LRRC53: variants seen among roughly 807,000 people sequenced by gnomAD.
The protein encoded by LRRC53 is leucine-rich repeat-containing protein 53.
In LRRC53, 25 loss-of-function variants were observed where a neutral mutation model predicts 13.6. The observed-to-expected ratio is 1.83, with a 90% CI of 1.34 to 2.56. LRRC53 has a LOEUF of 2.56. Among genes scored for constraint, LRRC53 ranks in the 30% most tolerant of loss-of-function variants. The pLI, the probability that LRRC53 is intolerant of heterozygous loss-of-function variation, is 0.00. For missense variants in LRRC53, 527 were observed against 275.8 expected, an observed-to-expected ratio of 1.91 and a Z score of -6.45; for synonymous variants, 204 against 109.8, an observed-to-expected ratio of 1.86 and a Z score of -5.37.
chr1:74,523,539 C>A, the LRRC53 span, among the ~76,000 whole-genome samples: 1 of 152,078 alleles, frequency 6.6e-6, no homozygotes, highest in African/African-American at 2.4e-5. Context: ...AAGTTATAGG[C>A]TATGCCTGGC....
At chr1:74,526,862 G>C in the LRRC53 span, among the ~76,000 whole-genome samples, 66,837 of 152,032 alleles carry the variant, frequency 0.44, 16,140 homozygotes, top group Non-Finnish European at 0.56. Flanking sequence ...AAATCCAACT[G>C]CCTGCTTGTT....
intron 1 of LRRC53, among the ~76,000 whole-genome samples, chr1:74,487,046 A>C (rs973280722): frequency 2.0e-5 from 3 of 152,170 alleles, no homozygotes; most frequent in African/African-American, 7.2e-5. Flanking sequence ...GCAAATTTGG[A>C]TAACTCTAGA....
At chr1:74,528,506 G>C in the LRRC53 span, among the ~76,000 whole-genome samples, 1 of 152,046 alleles carries the variant, frequency 6.6e-6, no homozygotes, top group Admixed American at 6.6e-5. Context: ...GTGGGGAAAG[G>C]GTACAACAGC....
intron 1 of LRRC53, among the ~76,000 whole-genome samples, chr1:74,508,086 G>A (rs573559860): frequency 3.9e-5 from 6 of 152,272 alleles, no homozygotes; most frequent in African/African-American, 7.2e-5. Context: ...TAACACAGAC[G>A]GAGGCATTAC....
At chr1:74,529,515 G>A in the LRRC53 span, among the ~76,000 whole-genome samples, 2 of 152,208 alleles carry the variant, frequency 1.3e-5, no homozygotes, top group African/African-American at 4.8e-5. Flanking sequence ...ATGTGATTCT[G>A]AATTAGATTC....
At chr1:74,511,318 G>A (rs868409506) in intron 1 of LRRC53, among the ~76,000 whole-genome samples, 5 of 151,940 alleles carry the variant, frequency 3.3e-5, no homozygotes, top group South Asian at 2.1e-4. Context: ...TCAGGCTCCC[G>A]AGTAGCTGGG....
chr1:74,475,400 C>T lies in LRRC53; in HGVS notation c.1315G>A (p.Gly439Ser). The T allele has an allele frequency of 1.4e-6, 1 of 717,040 alleles. No individual in the cohort carries two copies. The highest frequency in any genetic ancestry group is 1.5e-5 in the South Asian group (1 of 67,566). The allele number at this position is 717,040 out of a possible 1,614,324, so 44.4% of individuals were successfully genotyped here. ...PGNMRAFNEA[G>S]LLTTYNPRKV... is the part of the protein sequence containing the mutation. The stretch of plus-strand genomic sequence containing the variant: ...CTTGGATTATATGTTGTAAGTAAGC[C>T]TGCTTCATTAAAAGCTCTCATATTT... Residue 439 changes from glycine to serine, a missense_variant, in exon 4 of 5, where the codon GGC becomes AGC. By Grantham distance (56) the Gly-to-Ser change is moderately conservative. Transcript: ENST00000294635.
In LRRC53 at chr1:74,483,395, C is replaced by T; in HGVS notation, c.-26-20G>A. On this transcript the variant is annotated intron_variant, in intron 1 of 4. Coordinates refer to ENST00000294635, the MANE Select transcript of LRRC53 (RefSeq NM_001382280.1). The stretch of plus-strand genomic sequence containing the variant: ...ATCCACCTGAAAGGAAAGTAGAGGG[C>T]AATGTATATCATAATGTTGGCATTC... 1 of 715,732 alleles carries T rather than the reference C, an allele frequency of 1.4e-6. No homozygotes were observed. Among genetic ancestry groups the T allele is most frequent in the Non-Finnish European group, 2.6e-6 (1 of 384,130 alleles). 44.3% of individuals were successfully genotyped at this position (715,732 alleles called of 1,614,324 possible). A position where few individuals can be genotyped will look rare whatever the true frequency, so the allele number is the denominator to read the frequency against.
rs922581714 is a variant in LRRC53, at chr1:74,486,232, A to AGAGAGAGAGAGAGACT, written c.-26-2858_-26-2857insAGTCTCTCTCTCTCTC. On this transcript the variant is annotated intron_variant, in intron 1 of 4. Transcript: ENST00000294635. ...GAGAGAGAGAGAGAGAGAGAGAGAG[A>AGAGAGAGAGAGAGACT]GGTGGGAAATATACTAGTTCCTTTC... 9.4e-5 allele frequency among the ~76,000 whole-genome samples: 14 copies of AGAGAGAGAGAGAGACT among 149,248 alleles called. 1 individual carries two copies. The highest frequency in any genetic ancestry group is 3.3e-4 in the African/African-American group (13 of 39,382).
In LRRC53 at chr1:74,471,903, G is replaced by C. The variant is rs753745222; in HGVS notation, c.1719C>G (p.Ile573Met). 5.9e-6 allele frequency: 3 copies of C among 505,892 alleles called. No homozygotes were observed. Among genetic ancestry groups the C allele is most frequent in the Non-Finnish European group, 1.1e-5 (3 of 285,324 alleles). 31.3% of individuals were successfully genotyped at this position (505,892 alleles called of 1,614,324 possible). A position where few individuals can be genotyped will look rare whatever the true frequency, so the allele number is the denominator to read the frequency against. Residue 573 changes from isoleucine to methionine, a missense_variant, in exon 5 of 5, where the codon ATC (isoleucine) becomes ATG (methionine). Ile to Met is a conservative substitution (Grantham distance 10). Transcript: ENST00000294635. ...PRYFQPNNSL[I>M]CKYVPCEQFE... Reference sequence around the variant, plus strand: ...ATTGCTCACAGGGCACATATTTACAGATAAGAGAATTGTTTGGCTGAAAAT... The same window carrying C: ...ATTGCTCACAGGGCACATATTTACACATAAGAGAATTGTTTGGCTGAAAAT...
the LRRC53 span, among the ~76,000 whole-genome samples, chr1:74,529,247 A>G: frequency 6.6e-6 from 1 of 152,204 alleles, no homozygotes; most frequent in African/African-American, 2.4e-5. Context: ...ATCAAAATTA[A>G]CAACACAATA....
intron 1 of LRRC53, among the ~76,000 whole-genome samples, chr1:74,502,825 C>T (rs1338540894): frequency 6.6e-6 from 1 of 152,132 alleles, no homozygotes; most frequent in Non-Finnish European, 1.5e-5. Context: ...GCTGCTGCCT[C>T]GTTCACAGGC....
At chr1:74,492,043 T>G in intron 1 of LRRC53, 1 of 1,386,888 alleles carries the variant, frequency 7.2e-7, no homozygotes, top group South Asian at 2.1e-5. Context: ...TTATGTTATG[T>G]CTTCACACCT....
chr1:74,533,931 A>G, the LRRC53 span, among the ~76,000 whole-genome samples: 1 of 152,138 alleles, frequency 6.6e-6, no homozygotes, highest in Non-Finnish European at 1.5e-5. Flanking sequence ...AAGTCTGAAA[A>G]ACTTTTGTTC....
chr1:74,506,514 C>A (rs1283969225), intron 1 of LRRC53, among the ~76,000 whole-genome samples: 2 of 152,166 alleles, frequency 1.3e-5, no homozygotes, highest in African/African-American at 2.4e-5. Flanking sequence ...GTGACATGAG[C>A]AAATCCCTTT....
At chr1:74,474,423 G>A (rs186320083) in intron 4 of LRRC53, among the ~76,000 whole-genome samples, 11 of 152,140 alleles carry the variant, frequency 7.2e-5, no homozygotes, top group Middle Eastern at 6.8e-3. Context: ...TATAACATAC[G>A]TGAAATAACA....
chr1:74,502,262 A>G (rs1339545292), intron 1 of LRRC53, among the ~76,000 whole-genome samples: 1 of 152,200 alleles, frequency 6.6e-6, no homozygotes, highest in Non-Finnish European at 1.5e-5. Flanking sequence ...CTGTTTCTCC[A>G]GTACTTAGAA....
At chr1:74,504,424 T>G (rs937811855) in intron 1 of LRRC53, among the ~76,000 whole-genome samples, 36 of 152,104 alleles carry the variant, frequency 2.4e-4, no homozygotes, top group African/African-American at 8.5e-4. Flanking sequence ...CGAACAAAGG[T>G]GTGCAGCCTC....
chr1:74,518,873 CCTTTTT>C, the LRRC53 span, among the ~76,000 whole-genome samples: 6 of 100,358 alleles, frequency 6.0e-5, no homozygotes, highest in African/African-American at 2.6e-4. Flanking sequence ...TTTTTTTTCC[CCTTTTT>C]TTTTTTTTTT....
Sources: gnomAD v4.1 joint callset for allele counts (sites outside exome capture counted in the v4.1 genomes callset) on GRCh38, gnomAD v4.1.1 for gene constraint, MANE v1.5 for transcripts, NCBI Gene and HGNC (gene_info 2026-07-23, HGNC 2026-07-21) for gene names.